The following WDR45B variants were observed in gnomAD, a reference collection of about 807,000 sequenced individuals.
WDR45B encodes WD repeat domain 45B, also known as WD repeat domain phosphoinositide-interacting protein 3.
A neutral mutation model predicts 44.6 loss-of-function variants in WDR45B; 20 were observed. That is an observed-to-expected ratio of 0.45 (90% CI 0.32 to 0.65). The LOEUF (loss-of-function observed/expected upper bound fraction) is 0.65. Among genes scored for constraint, WDR45B ranks in the 30% least tolerant of loss-of-function variants. The probability of loss-of-function intolerance (pLI) is 0.05; values close to 1 mark genes in which losing one functional copy is unlikely to be tolerated. For synonymous variants in WDR45B, 169 were observed against 164.9 expected, an observed-to-expected ratio of 1.02 and a Z score of -0.19; for missense variants, 323 against 430.2, an observed-to-expected ratio of 0.75 and a Z score of 2.20.
intron 3 of WDR45B, chr17:82,630,086 G>A (rs369496720): frequency 1.5e-6 from 1 of 681,290 alleles, no homozygotes; most frequent in Non-Finnish European, 1.8e-6. Flanking sequence ...GCCTGGCACT[G>A]GGCTCAGACG....
At chr17:82,618,505 C>G (rs534493447) in intron 7 of WDR45B, among the ~76,000 whole-genome samples, 180 of 152,234 alleles carry the variant, frequency 1.2e-3, no homozygotes, top group African/African-American at 3.8e-3. Flanking sequence ...GGCAAAAACA[C>G]CAGAAAGACT....
chr17:82,635,459 CTT>C (rs1332169893), intron 2 of WDR45B, among the ~76,000 whole-genome samples: 7 of 137,462 alleles, frequency 5.1e-5, no homozygotes, highest in Admixed American at 3.0e-4. Context: ...GAGTTTTGCT[CTT>C]GTCGCCCAGG....
chr17:82,615,716 AC>A lies in WDR45B; in HGVS notation c.*202del, dbSNP rs1598255001. ...TCGAGCTGGTCACAGCCACTGAGTT[AC>A]CTACGGTGCCTTGATGATGATTCTC... is the stretch of plus-strand genomic sequence containing the variant. On this transcript the variant is annotated 3_prime_UTR_variant, in exon 10 of 10. Transcript: ENST00000392325. The A allele has an allele frequency of 2.7e-5, 16 of 596,180 alleles. No individual in the cohort carries two copies. The East Asian group carries it at 4.6e-4, about 17-fold the overall frequency. The allele number at this position is 596,180 out of a possible 1,614,324, so 36.9% of individuals were successfully genotyped here.
chr17:82,624,366 A>G (rs2045663185), intron 5 of WDR45B, among the ~76,000 whole-genome samples: 1 of 151,956 alleles, frequency 6.6e-6, no homozygotes, highest in Admixed American at 6.6e-5. Flanking sequence ...GGTTCAAGCA[A>G]TTCTCCTGCC....
chr17:82,629,317 G>A (rs185615515), intron 3 of WDR45B, among the ~76,000 whole-genome samples: 520 of 152,270 alleles, frequency 3.4e-3, no homozygotes, highest in Non-Finnish European at 5.9e-3. Context: ...TCCATGACAA[G>A]ACACAGACCA....
chr17:82,616,797 T>A (rs914609652), intron 8 of WDR45B, 152 bp from the exon 9 acceptor site: 5 of 1,007,904 alleles, frequency 5.0e-6, no homozygotes, highest in Admixed American at 5.4e-5. Context: ...TGACAAAGCC[T>A]GTTGTACAAT....
At chr17:82,629,039 A>G (rs2045734781) in intron 3 of WDR45B, among the ~76,000 whole-genome samples, 1 of 152,220 alleles carries the variant, frequency 6.6e-6, no homozygotes, top group Admixed American at 6.5e-5. Flanking sequence ...TAGTAAAAAA[A>G]AGTACCTTTA....
chr17:82,646,164 A>G (rs1177673235), intron 1 of WDR45B, among the ~76,000 whole-genome samples: 3 of 139,162 alleles, frequency 2.2e-5, no homozygotes, highest in African/African-American at 3.2e-5. Context: ...AACAATACGG[A>G]AAAAAAAAAT....
At chr17:82,622,102 G>A (rs997465577) in intron 5 of WDR45B, among the ~76,000 whole-genome samples, 11 of 151,828 alleles carry the variant, frequency 7.2e-5, no homozygotes, top group Non-Finnish European at 7.4e-5. Context: ...CCAACTGTCC[G>A]TCCGTCAGGG....
At chr17:82,625,875 C>T (rs2045690233) in intron 4 of WDR45B, 1 of 265,500 alleles carries the variant, frequency 3.8e-6, no homozygotes, top group Non-Finnish European at 7.4e-6. Context: ...CAAGCGTTTG[C>T]ATTATTATTA....
chr17:82,617,859 T>C (rs1201852696), intron 7 of WDR45B, among the ~76,000 whole-genome samples: 1 of 152,082 alleles, frequency 6.6e-6, no homozygotes, highest in African/African-American at 2.4e-5. Flanking sequence ...GACAGGGATG[T>C]GCTATGCACA....
intron 6 of WDR45B, among the ~76,000 whole-genome samples, chr17:82,620,188 C>T (rs2045594574): frequency 6.6e-6 from 1 of 152,228 alleles, no homozygotes; most frequent in Non-Finnish European, 1.5e-5. Flanking sequence ...AATCCCAGCA[C>T]TTTGGGAGGC....
At chr17:82,624,072 A>C (rs1295836299) in intron 5 of WDR45B, among the ~76,000 whole-genome samples, 1 of 152,136 alleles carries the variant, frequency 6.6e-6, no homozygotes, top group Non-Finnish European at 1.5e-5. Context: ...TCGACCCAAG[A>C]GACATGAAAC....
chr17:82,647,857 A>T (rs1247361434), intron 1 of WDR45B, among the ~76,000 whole-genome samples: 1 of 151,776 alleles, frequency 6.6e-6, no homozygotes, highest in Non-Finnish European at 1.5e-5. Flanking sequence ...GCAGGGCGTC[A>T]ATCACGCTGT....
chr17:82,639,210 T>C (rs1411924920), intron 2 of WDR45B, among the ~76,000 whole-genome samples: 3 of 152,038 alleles, frequency 2.0e-5, no homozygotes, highest in East Asian at 3.8e-4. Context: ...AACAATGCCA[T>C]GGCCATCTCT....
chr17:82,616,181 C>T (rs957949435), intron 9 of WDR45B, among the ~76,000 whole-genome samples, 156 bp from the exon 10 acceptor site: 9 of 152,146 alleles, frequency 5.9e-5, no homozygotes, highest in Non-Finnish European at 1.2e-4. Flanking sequence ...TGCGTTCGGT[C>T]GGCACCGTGG....
chr17:82,616,463 C>T, intron 9 of WDR45B, 61 bp downstream of exon 9: 2 of 1,611,682 alleles, frequency 1.2e-6, no homozygotes, highest in Non-Finnish European at 1.7e-6. Flanking sequence ...AGGTCTGACG[C>T]TCAGTGGATG....
chr17:82,616,709 C>A, intron 8 of WDR45B, 64 bp from the exon 9 acceptor site: 1 of 1,605,776 alleles, frequency 6.2e-7, no homozygotes, highest in Non-Finnish European at 8.5e-7. Context: ...CCTGCGTAAG[C>A]TCAGAATACG....
chr17:82,639,654 C>T (rs898209297), intron 2 of WDR45B, among the ~76,000 whole-genome samples: 27 of 150,066 alleles, frequency 1.8e-4, no homozygotes, highest in African/African-American at 4.9e-4. Context: ...CTGAGGCTGC[C>T]GGGCTGTGTG....
Sources: gnomAD v4.1 joint callset for allele counts (sites outside exome capture counted in the v4.1 genomes callset) on GRCh38, gnomAD v4.1.1 for gene constraint, MANE v1.5 for transcripts, NCBI Gene and HGNC (gene_info 2026-07-23, HGNC 2026-07-21) for gene names.